The following CIDEA variants were observed in gnomAD, a reference collection of about 807,000 sequenced individuals.
CIDEA encodes the protein lipid transferase CIDEA.
Under a neutral mutation model 18.2 loss-of-function variants are expected in CIDEA, and 10 were observed. The observed-to-expected ratio is 0.55, with a 90% CI of 0.34 to 0.93. The LOEUF is 0.93. CIDEA is among the 40% of genes least tolerant of loss of function. The pLI is 0.02. For synonymous variants in CIDEA, 128 were observed against 124.8 expected, an observed-to-expected ratio of 1.03 and a Z score of -0.17; for missense variants, 309 against 293.1, an observed-to-expected ratio of 1.05 and a Z score of -0.40.
intron 4 of CIDEA, among the ~76,000 whole-genome samples, chr18:12,276,729 C>G (rs1488578766): frequency 6.6e-6 from 1 of 152,196 alleles, no homozygotes. Flanking sequence ...TAGCAGGGCC[C>G]CTAGAACAGC....
chr18:12,266,433 G>A (rs559253682), intron 3 of CIDEA, among the ~76,000 whole-genome samples: 2 of 151,958 alleles, frequency 1.3e-5, no homozygotes, highest in East Asian at 3.9e-4. Context: ...CCAGCCCCAG[G>A]GACAGAGGGA....
chr18:12,274,162 T>C lies in CIDEA; in HGVS notation c.400T>C (p.Tyr134His). The change falls in exon 4 of 5, where the codon TAC (tyrosine) becomes CAC (histidine). Residue 134 changes from tyrosine to histidine, a missense_variant. Physicochemically the swap from Tyr to His is moderately conservative, Grantham distance 83. Transcript: ENST00000320477. ...SGIARVTFDL[Y>H]RLNPKDFIGC... ...AATAGCGAGAGTCACCTTCGACTTGTACAGGCTGAACCCCAAGGACTTCAT... is the reference window on the plus strand; with the variant it reads ...AATAGCGAGAGTCACCTTCGACTTGCACAGGCTGAACCCCAAGGACTTCAT... The C allele has an allele frequency of 6.2e-7, 1 of 1,614,186 alleles. No homozygotes were observed. The highest frequency in any genetic ancestry group is 1.1e-5 in the South Asian group (1 of 91,084).
chr18:12,274,053 G>C, intron 3 of CIDEA, 40 bp from the exon 4 acceptor site: 1 of 1,609,032 alleles, frequency 6.2e-7, no homozygotes. Context: ...GGGAGGGTTA[G>C]GAAGGCTCCT....
At chr18:12,266,360 C>T (rs149901428) in intron 3 of CIDEA, among the ~76,000 whole-genome samples, 3 of 152,234 alleles carry the variant, frequency 2.0e-5, no homozygotes, top group East Asian at 1.9e-4. Context: ...GAGGCTGAGG[C>T]GGGAGAACCA....
chr18:12,277,249 G>C lies in CIDEA; in HGVS notation c.639G>C (p.Lys213Asn). ...GGCCATCCCTCCGGTCACAAGCCAA[G>C]GGCAGGTTCACGTGTGGATAGGGAT... Reference protein sequence around the residue: ...EERPSLRSQAKGRFTCG With the variant: ...EERPSLRSQANGRFTCG Residue 213 changes from lysine to asparagine, a missense_variant, in exon 5 of 5, where the codon AAG (lysine) becomes AAC (asparagine). Physicochemically the swap from Lys to Asn is moderately conservative, Grantham distance 94 (BLOSUM62 0). Transcript: ENST00000320477. The C allele has an allele frequency of 6.2e-7, 1 of 1,614,154 alleles. No individual in the cohort carries two copies. Among genetic ancestry groups the C allele is most frequent in the South Asian group, 1.1e-5 (1 of 91,086 alleles).
chr18:12,263,035 T>C, intron 2 of CIDEA, 66 bp downstream of exon 2: 1 of 1,534,928 alleles, frequency 6.5e-7, no homozygotes, highest in Non-Finnish European at 8.9e-7. Context: ...AGGGCCATGG[T>C]CTTGGGCTCT....
chr18:12,269,371 A>T (rs1320852976), intron 3 of CIDEA, among the ~76,000 whole-genome samples: 5 of 152,134 alleles, frequency 3.3e-5, no homozygotes, highest in African/African-American at 1.2e-4. Context: ...ATAACTGAGG[A>T]TATTCTTTTT....
chr18:12,255,815 C>T (rs1449485617), intron 1 of CIDEA, among the ~76,000 whole-genome samples: 1 of 152,186 alleles, frequency 6.6e-6, no homozygotes, highest in African/African-American at 2.4e-5. Context: ...CAAAATGCAT[C>T]TGTGTGGGGT....
chr18:12,277,181 C>G lies in CIDEA; in HGVS notation c.571C>G (p.Leu191Val). 1 of 1,614,220 alleles carries G rather than the reference C, an allele frequency of 6.2e-7. No homozygotes were observed. Among genetic ancestry groups the G allele is most frequent in the Non-Finnish European group, 8.5e-7 (1 of 1,180,048 alleles). Residue 191 changes from leucine to valine, a missense_variant, in exon 5 of 5, where the codon CTG becomes GTG. Physicochemically the swap from Leu to Val is conservative, Grantham distance 32. Coordinates refer to ENST00000320477, the MANE Select transcript of CIDEA (RefSeq NM_001279.4). ...AQVTGQFLIYLGTYMLRVLDD... is the reference protein window; with the variant it reads ...AQVTGQFLIYVGTYMLRVLDD... ...GGTGACGGGACAGTTTCTCATCTAT[C>G]TGGGCACATACATGCTCCGGGTGCT...
At chr18:12,268,983 G>A (rs928056871) in intron 3 of CIDEA, among the ~76,000 whole-genome samples, 4 of 151,860 alleles carry the variant, frequency 2.6e-5, no homozygotes, top group Admixed American at 6.6e-5. Flanking sequence ...CTGCCACCAC[G>A]CCCAGCTAAT....
At chr18:12,273,922 A>C (rs553523341) in intron 3 of CIDEA, among the ~76,000 whole-genome samples, 171 bp from the exon 4 acceptor site, 1 of 152,334 alleles carries the variant, frequency 6.6e-6, no homozygotes, top group South Asian at 2.1e-4. Context: ...ACACAGTCGT[A>C]GTGTGTGCAA....
chr18:12,273,060 C>G (rs1211991000), intron 3 of CIDEA, among the ~76,000 whole-genome samples: 2 of 151,874 alleles, frequency 1.3e-5, no homozygotes, highest in Non-Finnish European at 2.9e-5. Flanking sequence ...CATACATACC[C>G]CAGATCTATT....
At chr18:12,261,340 G>C (rs1348969187) in intron 1 of CIDEA, among the ~76,000 whole-genome samples, 1 of 152,072 alleles carries the variant, frequency 6.6e-6, no homozygotes, top group African/African-American at 2.4e-5. Context: ...AACCATTCCA[G>C]TCTGGGCAAC....
chr18:12,277,010 G>A lies in CIDEA; in HGVS notation c.513-113G>A, dbSNP rs1905357566. The A allele has an allele frequency of 9.3e-6, 11 of 1,180,420 alleles. No homozygotes were observed. The South Asian group carries it at 1.4e-4, about 15-fold the overall frequency. The allele number at this position is 1,180,420 out of a possible 1,614,324, so 73.1% of individuals were successfully genotyped here. On this transcript the variant is annotated intron_variant, in intron 4 of 4. Transcript: ENST00000320477. The stretch of plus-strand genomic sequence containing the variant: ...TCAGACAGCCATGCTCTAAATGTCA[G>A]CCTGGCCTCCTCCGAGTGCCTTTTG...
intron 1 of CIDEA, among the ~76,000 whole-genome samples, chr18:12,259,293 G>A (rs928178185): frequency 6.6e-6 from 1 of 152,230 alleles, no homozygotes; most frequent in African/African-American, 2.4e-5. Flanking sequence ...AACTCGAAGC[G>A]CTGCTGTGCT....
At chr18:12,272,482 G>T (rs1912578784) in intron 3 of CIDEA, among the ~76,000 whole-genome samples, 1 of 152,096 alleles carries the variant, frequency 6.6e-6, no homozygotes, top group Admixed American at 6.6e-5. Flanking sequence ...CAAAATGCTG[G>T]GATTACAGGT....
intron 1 of CIDEA, among the ~76,000 whole-genome samples, chr18:12,260,239 CA>C (rs1912152759): frequency 6.6e-6 from 1 of 152,054 alleles, no homozygotes; most frequent in Non-Finnish European, 1.5e-5. Context: ...CTCTTTTGCC[CA>C]GGCTGGAGTG....
At chr18:12,268,624 A>G (rs1912428377) in intron 3 of CIDEA, among the ~76,000 whole-genome samples, 1 of 151,756 alleles carries the variant, frequency 6.6e-6, no homozygotes, top group Admixed American at 6.6e-5. Context: ...CCTGGTTTCA[A>G]GCTCCTGAGC....
At position 12,254,797 on chromosome 18, in the gene CIDEA, C is replaced by T. The variant is rs778069933; in HGVS notation, c.38+376C>T. ...GCAGAAGAGGGTCCGGTCCCAGGAA[C>T]CCCGAGCAAAGCTTCCGCGATGCGA... On this transcript the variant is annotated intron_variant, in intron 1 of 4. Transcript: ENST00000320477. 1.4e-5 allele frequency: 19 copies of T among 1,351,168 alleles called. No homozygotes were observed. The East Asian group carries it at 8.3e-4, about 59-fold the overall frequency. 83.7% of individuals were successfully genotyped at this position (1,351,168 alleles called of 1,614,324 possible).
Sources: allele counts gnomAD v4.1 joint callset (sites outside exome capture counted in the v4.1 genomes callset), GRCh38; gene constraint gnomAD v4.1.1; transcripts MANE v1.5; gene names NCBI Gene and HGNC (gene_info 2026-07-23, HGNC 2026-07-21).